NEDD4L: variants seen among roughly 807,000 people sequenced by gnomAD.
NEDD4L encodes E3 ubiquitin-protein ligase NEDD4-like.
A neutral mutation model predicts 148.9 loss-of-function variants in NEDD4L; 54 were observed. The observed-to-expected ratio is 0.36, with a 90% CI of 0.29 to 0.45. The LOEUF (loss-of-function observed/expected upper bound fraction) is 0.45, where lower values mean the gene tolerates loss of function less well. NEDD4L is among the 20% of genes least tolerant of loss of function. The pLI is 1.00. For synonymous variants in NEDD4L, 433 were observed against 440.7 expected, an observed-to-expected ratio of 0.98 and a Z score of 0.22; for missense variants, 856 against 1,233.8, an observed-to-expected ratio of 0.69 and a Z score of 4.59.
At chr18:58,206,575 C>T (rs1218311638) in intron 2 of NEDD4L, among the ~76,000 whole-genome samples, 1 of 152,162 alleles carries the variant, frequency 6.6e-6, no homozygotes, top group Non-Finnish European at 1.5e-5. Context: ...GGAGGACAGC[C>T]TGCTGCTTAA....
intron 5 of NEDD4L, among the ~76,000 whole-genome samples, chr18:58,278,408 G>A (rs1171842621): frequency 3.9e-5 from 6 of 152,160 alleles, no homozygotes; most frequent in Admixed American, 6.5e-5. Context: ...TTATTCAGAG[G>A]AGTTTCCTAC....
chr18:58,330,961 G>GT (rs765905854), intron 11 of NEDD4L, 47 bp downstream of exon 11: 8 of 1,581,026 alleles, frequency 5.1e-6, no homozygotes, highest in Non-Finnish European at 6.9e-6. Flanking sequence ...ATGTTTTATT[G>GT]TTTTTTGTTG....
rs1277689015 is a variant in NEDD4L at position 58,245,471 on chromosome 18, G to C, written c.167G>C (p.Arg56Thr). 2 of 1,587,504 alleles carry C rather than the reference G, an allele frequency of 1.3e-6. No individual in the cohort carries two copies. Among genetic ancestry groups the C allele is most frequent in the Non-Finnish European group, 8.6e-7 (1 of 1,161,780 alleles). ...KLSLYVADEN[R>T]ELALVQTKTI... ...TCATTGTACGTAGCGGATGAGAATA[G>C]AGAACTTGCTTTGGTCCAGACAAAA... Residue 56 changes from arginine (R) to threonine (T), a missense_variant, in exon 3 of 31, where the codon AGA becomes ACA. Physicochemically the swap from Arg to Thr is moderately conservative, Grantham distance 71. This residue lies in a region of NEDD4L where 193 missense variants were observed against 244.2 expected (regional missense o/e 0.79). Transcript: ENST00000400345.
chr18:58,166,846 C>T (rs1017222142), intron 2 of NEDD4L, among the ~76,000 whole-genome samples: 1 of 152,106 alleles, frequency 6.6e-6, no homozygotes, highest in African/African-American at 2.4e-5. Context: ...ATTTCAGTGC[C>T]CCTGCCTGAC....
intron 1 of NEDD4L, among the ~76,000 whole-genome samples, chr18:58,104,634 C>T (rs1620958): frequency 0.19 from 28,228 of 152,108 alleles, 5,898 homozygotes; most frequent in African/African-American, 0.52. Context: ...TAAATGGCAA[C>T]GTGCTGAATA....
chr18:58,119,994 A>G (rs1246710661), intron 1 of NEDD4L, among the ~76,000 whole-genome samples: 1 of 152,174 alleles, frequency 6.6e-6, no homozygotes, highest in Non-Finnish European at 1.5e-5. Flanking sequence ...GGAGCAAGCC[A>G]TCTGATAATT....
intron 1 of NEDD4L, among the ~76,000 whole-genome samples, chr18:58,072,868 G>GCA (rs1364381180): frequency 2.0e-4 from 23 of 115,880 alleles, no homozygotes; most frequent in African/African-American, 1.1e-3. Context: ...GCGCGCGCGC[G>GCA]CGCGCACACA....
At chr18:58,274,942 A>G (rs1163232371) in intron 5 of NEDD4L, among the ~76,000 whole-genome samples, 1 of 152,204 alleles carries the variant, frequency 6.6e-6, no homozygotes, top group Non-Finnish European at 1.5e-5. Flanking sequence ...TTGCTATAAA[A>G]CGAAATCTGC....
intron 5 of NEDD4L, among the ~76,000 whole-genome samples, chr18:58,288,995 G>A (rs13381620): frequency 0.071 from 10,804 of 152,170 alleles, 1,269 homozygotes; most frequent in African/African-American, 0.24. Flanking sequence ...ATCATGTTCA[G>A]TGTTCGACAT....
At chr18:58,201,554 G>C (rs1163462400) in intron 2 of NEDD4L, among the ~76,000 whole-genome samples, 3 of 152,178 alleles carry the variant, frequency 2.0e-5, no homozygotes, top group African/African-American at 4.8e-5. Flanking sequence ...GATGACAATA[G>C]AAACAGGTTT....
chr18:58,158,071 T>C lies in NEDD4L; in HGVS notation c.49-7717T>C, dbSNP rs2035739682. ...GTATGTAGCAGGCAAGGGTCTCTTA[T>C]GATCCTGAGTGAGGATGTCAGCCAA... On this transcript the variant is annotated intron_variant, in intron 1 of 30. Coordinates refer to ENST00000400345, the MANE Select transcript of NEDD4L (RefSeq NM_001144967.3). 2.0e-5 allele frequency among the ~76,000 whole-genome samples: 3 copies of C among 152,244 alleles called. 1 individual carries two copies. Among genetic ancestry groups the C allele is most frequent in the South Asian group, 4.1e-4 (2 of 4,834 alleles).
intron 1 of NEDD4L, among the ~76,000 whole-genome samples, chr18:58,065,915 T>C (rs1288983130): frequency 6.6e-6 from 1 of 152,098 alleles, no homozygotes; most frequent in Non-Finnish European, 1.5e-5. Flanking sequence ...TTGAGGAGGG[T>C]ATTGAATGAT....
chr18:58,082,102 A>ATATATATTTTTTTTT lies in NEDD4L; in HGVS notation c.48+37395_48+37396insATATATTTTTTTTTT. Reference sequence around the variant, plus strand: ...TGAATATATATATATATATATATATATTTTTTTTTTTTTTTTTTTCTTGAG... The same window carrying ATATATATTTTTTTTT: ...TGAATATATATATATATATATATATATATATATTTTTTTTTTTTTTTTTTTTTTTTTTTTCTTGAG... On this transcript the variant is annotated intron_variant, in intron 1 of 30. Transcript: ENST00000400345. Among the ~76,000 whole-genome samples, 143 of 48,778 alleles carry ATATATATTTTTTTTT rather than the reference A, an allele frequency of 2.9e-3. 1 individual carries two copies. The highest frequency in any genetic ancestry group is 4.2e-3 in the African/African-American group (33 of 7,824). 32.0% of individuals were successfully genotyped at this position (48,778 alleles called of 152,430 possible). A position where few individuals can be genotyped will look rare whatever the true frequency, so the allele number is the denominator to read the frequency against.
intron 2 of NEDD4L, among the ~76,000 whole-genome samples, chr18:58,203,516 C>T (rs1160254525): frequency 1.3e-5 from 2 of 151,958 alleles, no homozygotes; most frequent in African/African-American, 4.8e-5. Flanking sequence ...AGAGCTAGTA[C>T]ACTGTAGGAA....
intron 30 of NEDD4L, among the ~76,000 whole-genome samples, chr18:58,394,046 C>G (rs1262286969): frequency 6.6e-6 from 1 of 152,230 alleles, no homozygotes; most frequent in Admixed American, 6.5e-5. Context: ...CATGCATCTT[C>G]CACGTGAGGA....
chr18:58,338,215 A>G (rs1304708935), intron 13 of NEDD4L, among the ~76,000 whole-genome samples: 1 of 152,236 alleles, frequency 6.6e-6, no homozygotes, highest in African/African-American at 2.4e-5. Flanking sequence ...TGAAATGTTA[A>G]ACTAAGTCGC....
chr18:58,288,747 A>G (rs1432371910), intron 5 of NEDD4L, among the ~76,000 whole-genome samples: 2 of 152,134 alleles, frequency 1.3e-5, no homozygotes, highest in African/African-American at 2.4e-5. Flanking sequence ...TGAACCTTGA[A>G]TGTTCACTAT....
intron 1 of NEDD4L, among the ~76,000 whole-genome samples, chr18:58,150,725 A>T (rs553285846): frequency 6.6e-6 from 1 of 152,234 alleles, no homozygotes; most frequent in Non-Finnish European, 1.5e-5. Flanking sequence ...GCATTCCATC[A>T]GGTGACTGAC....
chr18:58,080,925 T>C (rs911449562), intron 1 of NEDD4L, among the ~76,000 whole-genome samples: 1 of 151,946 alleles, frequency 6.6e-6, no homozygotes, highest in African/African-American at 2.4e-5. Flanking sequence ...AGAGGTAGAA[T>C]TGGGAGGTGG....
Sources: gnomAD v4.1 joint callset for allele counts (sites outside exome capture counted in the v4.1 genomes callset) on GRCh38, gnomAD v4.1.1 for gene constraint, gnomAD v4.1.1 regional missense constraint, MANE v1.5 for transcripts, NCBI Gene and HGNC (gene_info 2026-07-23, HGNC 2026-07-21) for gene names.